FKTN: variants seen among roughly 807,000 people sequenced by gnomAD.
The protein encoded by FKTN is fukutin.
A neutral mutation model predicts 58.6 loss-of-function variants in FKTN; 47 were observed. The ratio of observed to expected loss-of-function variants is 0.80; its 90% CI spans 0.63 to 1.02. The LOEUF is 1.02. Among genes scored for constraint, FKTN ranks in the 50% least tolerant of loss-of-function variants. The pLI is 0.00. For synonymous variants in FKTN, 178 were observed against 191.9 expected, an observed-to-expected ratio of 0.93 and a Z score of 0.60; for missense variants, 516 against 537.3, an observed-to-expected ratio of 0.96 and a Z score of 0.39.
chr9:105,640,319 G>A lies in FKTN; in HGVS notation c.*5055G>A, dbSNP rs1834331975. On this transcript the variant is annotated 3_prime_UTR_variant, in exon 11 of 11. Transcript: ENST00000357998. ...TAATACCAGCAGTTTGAGAAGCTAA[G>A]GCAGGTGGATCACTTGAGGCCAGGA... 1 of 638,820 alleles carries A rather than the reference G, an allele frequency of 1.6e-6. No individual in the cohort carries two copies. The highest frequency in any genetic ancestry group is 2.5e-6 in the Non-Finnish European group (1 of 406,442). The allele number at this position is 638,820 out of a possible 1,614,324, so 39.6% of individuals were successfully genotyped here.
rs1404598880 is a variant in FKTN at position 105,618,038 on chromosome 9, T to C, written c.990T>C (p.Asp330=). The C allele has an allele frequency of 6.2e-7, 1 of 1,607,936 alleles. No individual in the cohort carries two copies. Among genetic ancestry groups the C allele is most frequent in the East Asian group, 2.2e-5 (1 of 44,834 alleles). The change falls in exon 9 of 11, where the codon GAT becomes GAC. Residue 330 remains aspartate (D), a synonymous_variant. Coordinates refer to ENST00000357998, the MANE Select transcript of FKTN (RefSeq NM_001079802.2). ...TTTTTATACAAGATTACAAATCTGA[T>C]ATTATTTTAGCATTTCAGGATGCAG... The part of the protein sequence containing the change: ...LGIFIQDYKS[D]IILAFQDAGL...
chr9:105,624,213 G>A (rs924016822), intron 10 of FKTN: 1 of 152,176 alleles, frequency 6.6e-6, no homozygotes, highest in Non-Finnish European at 1.5e-5. Context: ...TGTACTCACA[G>A]TCATTCATGA....
chr9:105,628,503 G>A (rs1833013400), intron 10 of FKTN, among the ~76,000 whole-genome samples: 1 of 152,132 alleles, frequency 6.6e-6, no homozygotes, highest in South Asian at 2.1e-4. Context: ...AGTAAGTTAT[G>A]TTTTTTAAAA....
Position 105,620,017 on chromosome 9 carries a change from C to T in FKTN, c.1128C>T (p.His376=), listed in dbSNP as rs1240757488. 6.2e-7 allele frequency: 1 copy of T among 1,612,496 alleles called. No individual in the cohort carries two copies. Among genetic ancestry groups the T allele is most frequent in the Admixed American group, 1.7e-5 (1 of 59,972 alleles). ...TTTTCTTCTATGAAGAAACTGATCA[C>T]ATGTGGAATGGAGGCACTCAGGCCA... is the stretch of plus-strand genomic sequence containing the variant. ...DVFFFYEETD[H]MWNGGTQAKT... The change falls in exon 10 of 11, where the codon CAC becomes CAT. Residue 376 remains histidine (H), a synonymous_variant. Coordinates refer to ENST00000357998, the MANE Select transcript of FKTN (RefSeq NM_001079802.2).
intron 3 of FKTN, among the ~76,000 whole-genome samples, chr9:105,589,323 C>A (rs1427481546): frequency 6.6e-6 from 1 of 151,996 alleles, no homozygotes; most frequent in Non-Finnish European, 1.5e-5. Context: ...CATGGTGAAA[C>A]CCTGTCTCTA....
At chr9:105,630,691 G>A (rs1833308299) in intron 10 of FKTN, among the ~76,000 whole-genome samples, 1 of 152,164 alleles carries the variant, frequency 6.6e-6, no homozygotes, top group Non-Finnish European at 1.5e-5. Flanking sequence ...ATTTTGTAGT[G>A]TGTACATATT....
chr9:105,577,272 G>A (rs1841917834), intron 3 of FKTN, among the ~76,000 whole-genome samples: 1 of 143,832 alleles, frequency 7.0e-6, no homozygotes, highest in African/African-American at 2.7e-5. Context: ...GTAATGCCTA[G>A]GTTTTCTTCT....
intron 4 of FKTN, among the ~76,000 whole-genome samples, chr9:105,600,532 C>T (rs1434499846): frequency 6.6e-6 from 1 of 152,022 alleles, no homozygotes; most frequent in Non-Finnish European, 1.5e-5. Context: ...ACCCTACTTA[C>T]TACCCAGCAG....
At chr9:105,613,248 A>G (rs1462026674) in intron 7 of FKTN, among the ~76,000 whole-genome samples, 1 of 152,130 alleles carries the variant, frequency 6.6e-6, no homozygotes, top group Non-Finnish European at 1.5e-5. Flanking sequence ...CCACCTCTTA[A>G]CTCCAGGCTT....
chr9:105,620,775 ATAGTAGTAGTAGTAG>A (rs58977246), intron 10 of FKTN, among the ~76,000 whole-genome samples: 272 of 145,434 alleles, frequency 1.9e-3, no homozygotes, highest in African/African-American at 6.2e-3. Context: ...TAATACTACT[ATAGTAGTAGTAGTAG>A]TAGTAGTAGT....
chr9:105,564,192 T>A (rs1838903824), intron 1 of FKTN, among the ~76,000 whole-genome samples: 1 of 151,938 alleles, frequency 6.6e-6, no homozygotes, highest in Admixed American at 6.6e-5. Context: ...ACCACAAAGA[T>A]GGGGAAAAAA....
chr9:105,612,332 A>C (rs900086998), intron 7 of FKTN, among the ~76,000 whole-genome samples: 1 of 152,020 alleles, frequency 6.6e-6, no homozygotes, highest in African/African-American at 2.4e-5. Flanking sequence ...CTCCCATTCC[A>C]TAGGTTATAT....
chr9:105,604,702 C>T lies in FKTN; in HGVS notation c.647+210C>T, dbSNP rs989873488. ...GGGCACTGTGGCTCATGCATGTAATCCCAGCACTTTGGGAGGCCGAGGTGG... is the reference window on the plus strand; with the variant it reads ...GGGCACTGTGGCTCATGCATGTAATTCCAGCACTTTGGGAGGCCGAGGTGG... On this transcript the variant is annotated intron_variant, in intron 6 of 10. Transcript: ENST00000357998. Among the ~76,000 whole-genome samples, 15 of 152,080 alleles carry T rather than the reference C, an allele frequency of 9.9e-5. 1 individual carries two copies. The highest frequency in any genetic ancestry group is 5.9e-5 in the Non-Finnish European group (4 of 68,024).
chr9:105,578,606 A>T, intron 3 of FKTN, among the ~76,000 whole-genome samples: 1 of 151,806 alleles, frequency 6.6e-6, no homozygotes, highest in Admixed American at 6.6e-5. Flanking sequence ...ATCAATGTTC[A>T]TCAAGAATAT....
In FKTN at chr9:105,639,299, C is replaced by G; in HGVS notation, c.*4035C>G. The G allele has an allele frequency of 1.0e-6, 1 of 984,594 alleles. No individual in the cohort carries two copies. The highest frequency in any genetic ancestry group is 1.2e-6 in the Non-Finnish European group (1 of 829,190). The allele number at this position is 984,594 out of a possible 1,614,324, so 61.0% of individuals were successfully genotyped here. Reference sequence around the variant, plus strand: ...ACCTGGGCTAGATCACCTCTAACATCTCACTCAGGGAAGGCAATGTGTTGC... The same window carrying G: ...ACCTGGGCTAGATCACCTCTAACATGTCACTCAGGGAAGGCAATGTGTTGC... On this transcript the variant is annotated 3_prime_UTR_variant, in exon 11 of 11. Coordinates refer to ENST00000357998, the MANE Select transcript of FKTN (RefSeq NM_001079802.2).
Position 105,638,232 on chromosome 9 carries a change from T to G in FKTN, c.*2968T>G. 1 of 985,394 alleles carries G rather than the reference T, an allele frequency of 1.0e-6. No individual in the cohort carries two copies. The allele number at this position is 985,394 out of a possible 1,614,324, so 61.0% of individuals were successfully genotyped here. Reference sequence around the variant, plus strand: ...GTATCTTTAACAGTGCTTGAGATGCTTAACAGAGAAGGCATCCAGTGCTTC... The same window carrying G: ...GTATCTTTAACAGTGCTTGAGATGCGTAACAGAGAAGGCATCCAGTGCTTC... On this transcript the variant is annotated 3_prime_UTR_variant, in exon 11 of 11. Transcript: ENST00000357998.
intron 3 of FKTN, among the ~76,000 whole-genome samples, chr9:105,592,591 C>G (rs1486300613): frequency 6.6e-6 from 1 of 152,082 alleles, no homozygotes; most frequent in Non-Finnish European, 1.5e-5. Flanking sequence ...GAGCCACGAT[C>G]ATACCACTGC....
chr9:105,605,665 C>G (rs1282367948), intron 6 of FKTN, among the ~76,000 whole-genome samples: 1 of 151,952 alleles, frequency 6.6e-6, no homozygotes, highest in African/African-American at 2.4e-5. Flanking sequence ...CATGTTCTCA[C>G]TTATTTGTGG....
chr9:105,631,481 A>G (rs559974934), intron 10 of FKTN, among the ~76,000 whole-genome samples: 2 of 152,286 alleles, frequency 1.3e-5, no homozygotes, highest in African/African-American at 4.8e-5. Context: ...GGAACAGGCA[A>G]CCTACAAAAT....
Sources: allele counts gnomAD v4.1 joint callset (sites outside exome capture counted in the v4.1 genomes callset), GRCh38; gene constraint gnomAD v4.1.1; transcripts MANE v1.5; gene names NCBI Gene and HGNC (gene_info 2026-07-23, HGNC 2026-07-21).